The following CLEC2A variants were observed in gnomAD, a reference collection of about 807,000 sequenced individuals.
CLEC2A encodes keratinocyte-associated C-type lectin.
Under a neutral mutation model 18.6 loss-of-function variants are expected in CLEC2A, and 19 were observed. The ratio of observed to expected loss-of-function variants is 1.02; its 90% CI spans 0.71 to 1.50. The LOEUF is 1.50. CLEC2A is among the 40% of genes most tolerant of loss of function. The pLI is 0.00. For missense variants in CLEC2A, 190 were observed against 207.9 expected, an observed-to-expected ratio of 0.91 and a Z score of 0.53; for synonymous variants, 74 against 64.0, an observed-to-expected ratio of 1.16 and a Z score of -0.75.
At chr12:9,894,948 C>G (rs1862739997), downstream of CLEC2A, among the ~76,000 whole-genome samples, 1 of 151,982 alleles carries the variant, frequency 6.6e-6, no homozygotes, top group African/African-American at 2.4e-5. Context: ...TTAAGGAAAA[C>G]AACACACATG....
chr12:9,900,286 T>C (rs554561095), intron 4 of CLEC2A, among the ~76,000 whole-genome samples: 9 of 152,350 alleles, frequency 5.9e-5, no homozygotes, highest in African/African-American at 2.2e-4. Flanking sequence ...CAGACATTGC[T>C]GGTTGCTTCA....
chr12:9,913,440 A>G lies in CLEC2A; in HGVS notation c.*126T>C. The G allele has an allele frequency of 7.0e-7, 1 of 1,421,922 alleles. No individual in the cohort carries two copies. Among genetic ancestry groups the G allele is most frequent in the Non-Finnish European group, 9.1e-7 (1 of 1,094,286 alleles). 88.1% of individuals were successfully genotyped at this position (1,421,922 alleles called of 1,614,324 possible). A position where few individuals can be genotyped will look rare whatever the true frequency, so the allele number is the denominator to read the frequency against. On this transcript the variant is annotated 3_prime_UTR_variant, in exon 5 of 5. Transcript: ENST00000455827. ...CACAGCAAGAAGTTTCCATCTATAAACTAGAAAATGGGCCCTCACCAGAGG... is the reference window on the plus strand; with the variant it reads ...CACAGCAAGAAGTTTCCATCTATAAGCTAGAAAATGGGCCCTCACCAGAGG...
At chr12:9,931,756 T>A (rs1168213078) in intron 1 of CLEC2A, among the ~76,000 whole-genome samples, 4 of 152,242 alleles carry the variant, frequency 2.6e-5, no homozygotes, top group Non-Finnish European at 4.4e-5. Flanking sequence ...TCATTCGTTT[T>A]CTTTAACATA....
intron 2 of CLEC2A, among the ~76,000 whole-genome samples, chr12:9,923,114 T>G (rs1331827227): frequency 6.6e-6 from 1 of 152,218 alleles, no homozygotes; most frequent in Admixed American, 6.5e-5. Flanking sequence ...CATGGTGGCT[T>G]GCTGCACCTA....
intron 4 of CLEC2A, 22 bp downstream of exon 4, chr12:9,916,678 T>G (rs544001808): frequency 7.2e-7 from 1 of 1,380,914 alleles, no homozygotes; most frequent in South Asian, 1.2e-5. Context: ...ATAAGAACAT[T>G]GCTAATACAT....
At chr12:9,903,068 G>GATAGAAGCA (rs1862857960) in intron 4 of CLEC2A, among the ~76,000 whole-genome samples, 1 of 152,170 alleles carries the variant, frequency 6.6e-6, no homozygotes, top group Non-Finnish European at 1.5e-5. Flanking sequence ...CTGTTTGCAG[G>GATAGAAGCA]ATAGAAGCAA....
intron 2 of CLEC2A, among the ~76,000 whole-genome samples, chr12:9,922,924 T>TTAG (rs1403540788): frequency 6.6e-6 from 1 of 152,058 alleles, no homozygotes; most frequent in African/African-American, 2.4e-5. Flanking sequence ...CCATGATTTA[T>TTAG]TATTATTATT....
At chr12:9,878,461 TAATG>T in the CLEC2A span, among the ~76,000 whole-genome samples, 1 of 152,136 alleles carries the variant, frequency 6.6e-6, no homozygotes, top group Admixed American at 6.6e-5. Context: ...AAATGGGAAG[TAATG>T]AATTTACTAG....
intron 2 of CLEC2A, among the ~76,000 whole-genome samples, chr12:9,922,817 T>G (rs1432635354): frequency 6.6e-6 from 1 of 152,214 alleles, no homozygotes; most frequent in Admixed American, 6.5e-5. Flanking sequence ...GACAAGTCCA[T>G]GCATTCCACA....
intron 1 of CLEC2A, among the ~76,000 whole-genome samples, chr12:9,928,410 G>C (rs188249670): frequency 2.4e-3 from 361 of 152,184 alleles, no homozygotes; most frequent in African/African-American, 8.1e-3. Flanking sequence ...AGGCTGCAGT[G>C]ATCAGAATTA....
At chr12:9,913,108 A>ATT, downstream of CLEC2A, 1 of 162,054 alleles carries the variant, frequency 6.2e-6, no homozygotes, top group Non-Finnish European at 1.2e-5. Flanking sequence ...GGGAGATTGC[A>ATT]TTTTTTTTTT....
At chr12:9,883,674 C>G in the CLEC2A span, among the ~76,000 whole-genome samples, 1 of 152,120 alleles carries the variant, frequency 6.6e-6, no homozygotes, top group Non-Finnish European at 1.5e-5. Context: ...TTTGCTTGAA[C>G]AGCAGAAATA....
intron 4 of CLEC2A, among the ~76,000 whole-genome samples, chr12:9,900,823 C>T (rs1011447579): frequency 6.6e-6 from 1 of 152,168 alleles, no homozygotes; most frequent in Non-Finnish European, 1.5e-5. Flanking sequence ...TAAAGGCAAG[C>T]TTACCCTTCC....
At chr12:9,929,973 C>T (rs941142640) in intron 1 of CLEC2A, among the ~76,000 whole-genome samples, 15 of 151,432 alleles carry the variant, frequency 9.9e-5, no homozygotes, top group East Asian at 3.9e-4. Context: ...TATTTATAAG[C>T]GCATTAGTGT....
chr12:9,917,290 T>G (rs901088595), intron 3 of CLEC2A, among the ~76,000 whole-genome samples: 1 of 152,162 alleles, frequency 6.6e-6, no homozygotes, highest in Non-Finnish European at 1.5e-5. Flanking sequence ...GTCATGAAGG[T>G]TTGTTTTACA....
chr12:9,898,933 A>T, exon 5 of CLEC2A: 1 of 716,544 alleles, frequency 1.4e-6, no homozygotes, highest in Non-Finnish European at 2.6e-6. Flanking sequence ...AGAAGAAGCC[A>T]TTGTCGGAGG....
the CLEC2A span, among the ~76,000 whole-genome samples, chr12:9,889,138 C>T: frequency 6.6e-6 from 1 of 152,048 alleles, no homozygotes; most frequent in Non-Finnish European, 1.5e-5. Context: ...TTGAGATAGA[C>T]CTATGTTTGA....
downstream of CLEC2A, among the ~76,000 whole-genome samples, chr12:9,898,164 A>G (rs1378019785): frequency 1.3e-5 from 2 of 152,232 alleles, no homozygotes; most frequent in Admixed American, 1.3e-4. Context: ...GAAATTCTAT[A>G]TAAAGTTTAC....
At chr12:9,902,659 AAAGAAAC>A (rs1862850074) in intron 4 of CLEC2A, among the ~76,000 whole-genome samples, 1 of 151,478 alleles carries the variant, frequency 6.6e-6, no homozygotes, top group South Asian at 2.1e-4. Context: ...AAAAAAAAAG[AAAGAAAC>A]AAGTGCTCAG....
Sources: gnomAD v4.1 joint callset for allele counts (sites outside exome capture counted in the v4.1 genomes callset) on GRCh38, gnomAD v4.1.1 for gene constraint, MANE v1.5 for transcripts, NCBI Gene and HGNC (gene_info 2026-07-23, HGNC 2026-07-21) for gene names.